The following CATSPERD variants were observed in gnomAD, a reference collection of about 807,000 sequenced individuals.
The protein encoded by CATSPERD is cation channel sperm-associated auxiliary subunit delta.
A neutral mutation model predicts 98.1 loss-of-function variants in CATSPERD; 86 were observed. That is an observed-to-expected ratio of 0.88 (90% CI 0.74 to 1.05). CATSPERD has a LOEUF of 1.05. Among genes scored for constraint, CATSPERD ranks in the 50% least tolerant of loss-of-function variants. The probability of loss-of-function intolerance (pLI) is 0.00; values close to 1 mark genes in which losing one functional copy is unlikely to be tolerated. For synonymous variants in CATSPERD, 394 were observed against 390.2 expected, an observed-to-expected ratio of 1.01 and a Z score of -0.12; for missense variants, 995 against 1,005.7, an observed-to-expected ratio of 0.99 and a Z score of 0.14.
chr19:5,778,226 G>T lies in CATSPERD; in HGVS notation c.2097-150G>T, dbSNP rs2056767538. ...CCGACTCAAAAAAAAAAAAAAAAAG[G>T]CATAGTGGATGGAAACAGAAGTGGG... On this transcript the variant is annotated intron_variant, in intron 21 of 21. Coordinates refer to ENST00000381624, the MANE Select transcript of CATSPERD (RefSeq NM_152784.4). 8.7e-6 allele frequency: 5 copies of T among 577,352 alleles called. No individual in the cohort carries two copies. In the East Asian group the frequency reaches 1.6e-4, roughly 18 times the overall value. 35.8% of individuals were successfully genotyped at this position (577,352 alleles called of 1,614,324 possible).
At position 5,742,200 on chromosome 19, in the gene CATSPERD, A is replaced by G. The variant is rs1221028593; in HGVS notation, c.574-2227A>G. Among the ~76,000 whole-genome samples the G allele has an allele frequency of 3.2e-4, 40 of 123,426 alleles. 1 individual carries two copies. The highest frequency in any genetic ancestry group is 1.1e-3 in the African/African-American group (38 of 33,360). 81.0% of individuals were successfully genotyped at this position (123,426 alleles called of 152,430 possible). ...TATGTATGTGAACGTGTGTGCGTGTACATGTGTGCATGTGTGTACATGTGT... is the reference window on the plus strand; with the variant it reads ...TATGTATGTGAACGTGTGTGCGTGTGCATGTGTGCATGTGTGTACATGTGT... On this transcript the variant is annotated intron_variant, in intron 7 of 21. Transcript: ENST00000381624.
chr19:5,778,225 G>C (rs887738861), intron 21 of CATSPERD, 151 bp from the exon 22 acceptor site: 4 of 531,788 alleles, frequency 7.5e-6, no homozygotes, highest in Non-Finnish European at 1.3e-5. Context: ...AAAAAAAAAA[G>C]GCATAGTGGA....
intron 12 of CATSPERD, 79 bp downstream of exon 12, chr19:5,751,902 C>A: frequency 1.5e-6 from 2 of 1,328,896 alleles, no homozygotes; most frequent in Non-Finnish European, 2.0e-6. Context: ...GTGGTGCACG[C>A]CTGTAGCCCC....
chr19:5,724,845 A>G lies in CATSPERD; in HGVS notation c.109A>G (p.Ile37Val), dbSNP rs750662137. The G allele has an allele frequency of 6.2e-7, 1 of 1,614,096 alleles. No individual in the cohort carries two copies. The highest frequency in any genetic ancestry group is 1.3e-5 in the African/African-American group (1 of 75,064). The stretch of plus-strand genomic sequence containing the variant: ...GAGGACAGGAAAAGTGTTTAATCTG[A>G]TACAGGACGTTCAAGGGGTATGTGG... ...TVRTGKVFNL[I>V]QDVQGDRLYF... is the part of the protein sequence containing the mutation. The change falls in exon 2 of 22, where the codon ATA becomes GTA. Residue 37 changes from isoleucine (I) to valine (V), a missense_variant. Coordinates refer to ENST00000381624, the MANE Select transcript of CATSPERD (RefSeq NM_152784.4).
At chr19:5,759,512 C>T (rs1341324293) in intron 15 of CATSPERD, among the ~76,000 whole-genome samples, 1 of 149,078 alleles carries the variant, frequency 6.7e-6, no homozygotes, top group Admixed American at 6.8e-5. Context: ...GTGCAGTGAG[C>T]CGAGATCGTG....
At chr19:5,773,043 G>A (rs968481283) in intron 20 of CATSPERD, 78 bp downstream of exon 20, 36 of 1,432,752 alleles carry the variant, frequency 2.5e-5, no homozygotes, top group Non-Finnish European at 2.9e-5. Flanking sequence ...GACACCGTGC[G>A]GCCATGGAAC....
chr19:5,772,120 T>A (rs1400428342), intron 19 of CATSPERD: 4 of 391,296 alleles, frequency 1.0e-5, no homozygotes, highest in Non-Finnish European at 2.0e-5. Flanking sequence ...TGAACACAGT[T>A]CATTGCAGCC....
At position 5,753,567 on chromosome 19, in the gene CATSPERD, A is replaced by G. The variant is rs116094420; in HGVS notation, c.1165-565A>G. The G allele has an allele frequency of 5.8e-3, 2,440 of 419,558 alleles. 59 individuals carry two copies. Among genetic ancestry groups the G allele is most frequent in the African/African-American group, 0.047 (2,245 of 47,504 alleles). The allele number at this position is 419,558 out of a possible 1,614,324, so 26.0% of individuals were successfully genotyped here. A position where few individuals can be genotyped will look rare whatever the true frequency, so the allele number is the denominator to read the frequency against. ...ACAGAGCCAGACTCTGTCTCAAAAAAAAAAAAAGAAACAGAAAGAGGTCAG... is the reference window on the plus strand; with the variant it reads ...ACAGAGCCAGACTCTGTCTCAAAAAGAAAAAAAGAAACAGAAAGAGGTCAG... On this transcript the variant is annotated intron_variant, in intron 12 of 21. Coordinates refer to ENST00000381624, the MANE Select transcript of CATSPERD (RefSeq NM_152784.4).
At chr19:5,729,810 T>C (rs2055679030) in intron 3 of CATSPERD, 62 bp from the exon 4 acceptor site, 2 of 1,016,850 alleles carry the variant, frequency 2.0e-6, no homozygotes, top group African/African-American at 1.6e-5. Context: ...AGTACCTCTA[T>C]TGTCTTTTTT....
In CATSPERD at chr19:5,763,161, G is replaced by C. The variant is rs571410244; in HGVS notation, c.1428-54G>C. 2.4e-5 allele frequency: 32 copies of C among 1,328,520 alleles called. No homozygotes were observed. The East Asian group carries it at 6.9e-4, about 29-fold the overall frequency. 82.3% of individuals were successfully genotyped at this position (1,328,520 alleles called of 1,614,324 possible). A position where few individuals can be genotyped will look rare whatever the true frequency, so the allele number is the denominator to read the frequency against. Reference sequence around the variant, plus strand: ...ACTGAAGGATGAATGGAATGCAGCTGTGTCGTTTACAGGGGTGCTATTCTC... The same window carrying C: ...ACTGAAGGATGAATGGAATGCAGCTCTGTCGTTTACAGGGGTGCTATTCTC... On this transcript the variant is annotated intron_variant, in intron 15 of 21. Transcript: ENST00000381624.
chr19:5,745,895 G>A lies in CATSPERD; in HGVS notation c.658-18G>A. The A allele has an allele frequency of 1.2e-6, 2 of 1,613,536 alleles. No individual in the cohort carries two copies. The highest frequency in any genetic ancestry group is 1.7e-6 in the Non-Finnish European group (2 of 1,179,754). ...AGTAGGGTTTGGGGAGAGGCTGAAT[G>A]GTGTCTTTTTCTCCCAGGGCATGTT... On this transcript the variant is annotated intron_variant, in intron 8 of 21. Transcript: ENST00000381624.
Position 5,744,436 on chromosome 19 carries a change from A to G in CATSPERD, c.583A>G (p.Ile195Val), listed in dbSNP as rs1170423904. The G allele has an allele frequency of 6.2e-7, 1 of 1,611,430 alleles. No homozygotes were observed. The highest frequency in any genetic ancestry group is 8.5e-7 in the Non-Finnish European group (1 of 1,178,324). Residue 195 changes from isoleucine (I) to valine (V), a missense_variant, in exon 8 of 22, where the codon ATT becomes GTT. Ile to Val is a conservative substitution (Grantham distance 29). Coordinates refer to ENST00000381624, the MANE Select transcript of CATSPERD (RefSeq NM_152784.4). ...TCTGTTTGTTTCATAGGCAGAAATC[A>G]TTGGGTCTTTAGGCGGAATCTTCCA... ...KYHYDRQAEIIGSLGGIFHFF... is the reference protein window; with the variant it reads ...KYHYDRQAEIVGSLGGIFHFF...
chr19:5,762,058 A>ATATTTTTT, intron 15 of CATSPERD, among the ~76,000 whole-genome samples: 2 of 10,442 alleles, frequency 1.9e-4, no homozygotes, highest in African/African-American at 6.6e-4. Context: ...ATATATATAT[A>ATATTTTTT]TTTTTTTTTT....
At chr19:5,767,074 T>C (rs935043122) in intron 17 of CATSPERD, among the ~76,000 whole-genome samples, 1 of 150,410 alleles carries the variant, frequency 6.6e-6, no homozygotes, top group African/African-American at 2.4e-5. Context: ...TCCCAGCACT[T>C]TGGGAGGCCG....
At chr19:5,741,140 C>T (rs2055955501) in intron 7 of CATSPERD, among the ~76,000 whole-genome samples, 1 of 149,864 alleles carries the variant, frequency 6.7e-6, no homozygotes, top group Non-Finnish European at 1.5e-5. Flanking sequence ...AACACATTAA[C>T]TTATGACACA....
chr19:5,731,977 T>G (rs1599516220), intron 4 of CATSPERD, among the ~76,000 whole-genome samples: 3 of 152,046 alleles, frequency 2.0e-5, no homozygotes, highest in East Asian at 3.9e-4. Context: ...GATTTTGTGG[T>G]TTTTGTTTTT....
intron 7 of CATSPERD, among the ~76,000 whole-genome samples, chr19:5,742,120 TTGTGTGTGCG>T (rs1458189409): frequency 1.3e-5 from 2 of 151,130 alleles, no homozygotes; most frequent in Non-Finnish European, 3.0e-5. Flanking sequence ...AAAATAGCGT[TTGTGTGTGCG>T]TGTGTGCGCG....
intron 17 of CATSPERD, among the ~76,000 whole-genome samples, chr19:5,766,948 C>T (rs1339821264): frequency 6.6e-6 from 1 of 151,840 alleles, no homozygotes; most frequent in Non-Finnish European, 1.5e-5. Context: ...CCGCCTCAGC[C>T]TCTCAAAGTG....
Position 5,749,151 on chromosome 19 carries a change from A to T in CATSPERD, c.955A>T (p.Asn319Tyr). 1.9e-6 allele frequency: 3 copies of T among 1,612,934 alleles called. No homozygotes were observed. The highest frequency in any genetic ancestry group is 2.5e-6 in the Non-Finnish European group (3 of 1,179,464). ...ITREDNLYYG[N>Y]LGIVPSSIIK... ...TCGGGAGGATAATTTGTATTATGGC[A>T]ATCTGGGCATCGTGCCAAGTTCCAT... The change falls in exon 11 of 22, where the codon AAT (asparagine) becomes TAT (tyrosine). Residue 319 changes from asparagine (N) to tyrosine (Y), a missense_variant. Transcript: ENST00000381624.
Sources: allele counts gnomAD v4.1 joint callset (sites outside exome capture counted in the v4.1 genomes callset), GRCh38; gene constraint gnomAD v4.1.1; transcripts MANE v1.5; gene names NCBI Gene and HGNC (gene_info 2026-07-23, HGNC 2026-07-21).